INSR: variants seen among roughly 807,000 people sequenced by gnomAD.
The protein encoded by INSR is insulin receptor, also known as IR.
Under a neutral mutation model 142.6 loss-of-function variants are expected in INSR, and 67 were observed. The observed-to-expected ratio is 0.47, with a 90% CI of 0.39 to 0.58. The LOEUF is 0.58. Among genes scored for constraint, INSR ranks in the 20% least tolerant of loss-of-function variants. The pLI, the probability that INSR is intolerant of heterozygous loss-of-function variation, is 0.00. For synonymous variants in INSR, 756 were observed against 743.1 expected (o/e 1.02, Z -0.28); for missense variants, 1,248 against 1,833.2 (o/e 0.68, Z 5.83).
intron 14 of INSR, among the ~76,000 whole-genome samples, chr19:7,130,761 A>ACCTCTT (rs1711197451): frequency 6.8e-6 from 1 of 147,750 alleles, no homozygotes; most frequent in Non-Finnish European, 1.5e-5. Flanking sequence ...CCAGTCTCAG[A>ACCTCTT]CCTCTTCCTC....
chr19:7,178,646 G>A (rs1974201034), intron 3 of INSR, among the ~76,000 whole-genome samples: 1 of 152,160 alleles, frequency 6.6e-6, no homozygotes, highest in African/African-American at 2.4e-5. Flanking sequence ...TTGAACCTGG[G>A]ATGTGGAGGT....
At position 7,184,045 on chromosome 19, in the gene INSR, G is replaced by A. The variant is rs114574805; in HGVS notation, c.974+271C>T. Among the ~76,000 whole-genome samples the A allele has an allele frequency of 1.6e-4, 13 of 83,840 alleles. No individual in the cohort carries two copies. In the South Asian group the frequency reaches 5.0e-3, roughly 32 times the overall value. 55.0% of individuals were successfully genotyped at this position (83,840 alleles called of 152,430 possible). Reference sequence around the variant, plus strand: ...CTGCACTCCAGCTTGGGAGTCTTGCGGCAAGACTCCATCTCAAAAAAAAAA... The same window carrying A: ...CTGCACTCCAGCTTGGGAGTCTTGCAGCAAGACTCCATCTCAAAAAAAAAA... On this transcript the variant is annotated intron_variant, in intron 3 of 21. Coordinates refer to ENST00000302850, the MANE Select transcript of INSR (RefSeq NM_000208.4).
At chr19:7,151,164 CTTTCTTTCTTTCTTTCTT>C (rs1973338622) in intron 10 of INSR, among the ~76,000 whole-genome samples, 3 of 5,052 alleles carry the variant, frequency 5.9e-4, no homozygotes, top group African/African-American at 9.2e-4. Context: ...CTTTCTTTCT[CTTTCTTTCTTTCTTTCTT>C]TCTTTCTTTC....
intron 14 of INSR, among the ~76,000 whole-genome samples, chr19:7,130,061 G>A (rs1160116393): frequency 6.6e-6 from 1 of 152,064 alleles, no homozygotes; most frequent in Non-Finnish European, 1.5e-5. Flanking sequence ...TAACAAAGAT[G>A]GAGACACTAG....
At chr19:7,259,477 G>A (rs1600102917) in intron 2 of INSR, among the ~76,000 whole-genome samples, 3 of 152,114 alleles carry the variant, frequency 2.0e-5, no homozygotes, top group South Asian at 2.1e-4. Context: ...CCAGAACCAC[G>A]GCTGGCATGA....
intron 12 of INSR, 86 bp from the exon 13 acceptor site, chr19:7,141,902 T>A: frequency 1.8e-6 from 2 of 1,087,014 alleles, no homozygotes; most frequent in Non-Finnish European, 2.8e-6. Flanking sequence ...AACCTTGGGC[T>A]GGTGACGTCA....
At position 7,112,961 on chromosome 19, in the gene INSR, CCTCT is replaced by C. The variant is rs1037940012; in HGVS notation, c.*4091_*4094del. The stretch of plus-strand genomic sequence containing the variant: ...CTGGAAGATTTTCTGAAGTGACACC[CCTCT>C]CTGTGTACCATGTATATAAAATCGG... On this transcript the variant is annotated 3_prime_UTR_variant, in exon 22 of 22. Transcript: ENST00000302850. 6.6e-6 allele frequency: 1 copy of C among 152,092 alleles called. No individual in the cohort carries two copies. Among genetic ancestry groups the C allele is most frequent in the Admixed American group, 6.5e-5 (1 of 15,272 alleles). 9.4% of individuals were successfully genotyped at this position (152,092 alleles called of 1,614,324 possible). A position where few individuals can be genotyped will look rare whatever the true frequency, so the allele number is the denominator to read the frequency against.
In INSR at chr19:7,267,918, A is replaced by G; in HGVS notation, c.101-22T>C. 1.2e-6 allele frequency: 2 copies of G among 1,606,036 alleles called. No individual in the cohort carries two copies. The highest frequency in any genetic ancestry group is 1.7e-6 in the Non-Finnish European group (2 of 1,174,480). ...CACACTACAAGAGAAAATGAACAGAAAGCAAGACAGGTGAGCAGACGCACG... is the reference window on the plus strand; with the variant it reads ...CACACTACAAGAGAAAATGAACAGAGAGCAAGACAGGTGAGCAGACGCACG... On this transcript the variant is annotated intron_variant, in intron 1 of 21. Transcript: ENST00000302850. This position sits in a 1 kb window ranked among gnomAD's most constrained non-coding sequence, Gnocchi z 6.3.
chr19:7,204,067 A>G (rs1017848835), intron 2 of INSR, among the ~76,000 whole-genome samples: 16 of 151,402 alleles, frequency 1.1e-4, no homozygotes. Context: ...GGTTCAAGCA[A>G]TTCTCCTGCC....
At position 7,164,092 on chromosome 19, in the gene INSR, TAAAAAAAAAAA is replaced by T. The variant is rs4031077; in HGVS notation, c.1862-904_1862-894del. 7.3e-3 allele frequency among the ~76,000 whole-genome samples: 590 copies of T among 80,294 alleles called. 4 individuals are homozygous for T. The highest frequency in any genetic ancestry group is 0.024 in the African/African-American group (508 of 20,768). 52.7% of individuals were successfully genotyped at this position (80,294 alleles called of 152,430 possible). ...CTGAGAGACAAGAGTGAAACTCCGT[TAAAAAAAAAAA>T]AAAAAAAAAAAAAGCTTGAATTTGA... On this transcript the variant is annotated intron_variant, in intron 8 of 21. Transcript: ENST00000302850.
intron 2 of INSR, among the ~76,000 whole-genome samples, chr19:7,237,444 G>A (rs549027235): frequency 6.6e-6 from 1 of 152,134 alleles, no homozygotes; most frequent in Admixed American, 6.5e-5. Context: ...TTGAACCGGG[G>A]AGGTGGAGGT....
chr19:7,205,588 G>T (rs901372351), intron 2 of INSR, among the ~76,000 whole-genome samples: 4 of 152,178 alleles, frequency 2.6e-5, no homozygotes, highest in African/African-American at 9.6e-5. Flanking sequence ...TGCTCTCTTG[G>T]CTTCCTGCAG....
chr19:7,191,504 G>C (rs1180441618), intron 2 of INSR, among the ~76,000 whole-genome samples: 2 of 152,008 alleles, frequency 1.3e-5, no homozygotes, highest in African/African-American at 4.8e-5. Context: ...CGGATTGTTA[G>C]ACAGAATGTG....
At chr19:7,193,119 C>CTT (rs764541723) in intron 2 of INSR, among the ~76,000 whole-genome samples, 1 of 139,702 alleles carries the variant, frequency 7.2e-6, no homozygotes, top group Non-Finnish European at 1.6e-5. Flanking sequence ...TCTTTTTTTT[C>CTT]TTTTTTTTTT....
In INSR at chr19:7,157,407, G is replaced by A. The variant is rs369512787; in HGVS notation, c.2030-4480C>T. Among the ~76,000 whole-genome samples, 360 of 144,912 alleles carry A rather than the reference G, an allele frequency of 2.5e-3. 7 individuals are homozygous for A. In the East Asian group the frequency reaches 0.038, roughly 15 times the overall value. On this transcript the variant is annotated intron_variant, in intron 9 of 21. Transcript: ENST00000302850. ...TGGGATTACAGGCGTGAGCCACTGC[G>A]CCCAGCCGATTTTTGTATTTTTTTT...
chr19:7,262,804 A>G (rs769639002), intron 2 of INSR, among the ~76,000 whole-genome samples: 2 of 152,220 alleles, frequency 1.3e-5, no homozygotes, highest in Non-Finnish European at 2.9e-5. Context: ...CATCACATTC[A>G]TAGAGACAGA....
chr19:7,211,889 C>T (rs933984898), intron 2 of INSR, among the ~76,000 whole-genome samples: 5 of 142,264 alleles, frequency 3.5e-5, no homozygotes, highest in African/African-American at 1.6e-4. Context: ...GGCTACACGC[C>T]TTCTCCTTGT....
chr19:7,207,697 A>G (rs1975142594), intron 2 of INSR, among the ~76,000 whole-genome samples: 1 of 151,982 alleles, frequency 6.6e-6, no homozygotes. Context: ...CTGAGGCAGG[A>G]GGATCGCTTA....
At chr19:7,281,357 G>C (rs957603390) in intron 1 of INSR, among the ~76,000 whole-genome samples, 3 of 149,156 alleles carry the variant, frequency 2.0e-5, no homozygotes, top group Non-Finnish European at 4.5e-5. Flanking sequence ...CACACACACA[G>C]ACACATACAC....
Sources: allele counts gnomAD v4.1 joint callset (sites outside exome capture counted in the v4.1 genomes callset), GRCh38; gene constraint gnomAD v4.1.1; non-coding constraint Gnocchi (gnomAD v3.1); transcripts MANE v1.5; gene names NCBI Gene and HGNC (gene_info 2026-07-23, HGNC 2026-07-21).